Variants in APBA1 observed in about 807,000 individuals in gnomAD.
APBA1 encodes amyloid beta precursor protein binding family A member 1.
A neutral mutation model predicts 86.6 loss-of-function variants in APBA1; 55 were observed. That is an observed-to-expected ratio of 0.64 (90% confidence interval 0.51 to 0.80). APBA1 has a LOEUF of 0.80. APBA1 is among the 30% of genes least tolerant of loss of function. The pLI is 0.00. For missense variants in APBA1, 1,090 were observed against 1,183.0 expected, an observed-to-expected ratio of 0.92 and a Z score of 1.15; for synonymous variants, 511 against 493.9, an observed-to-expected ratio of 1.03 and a Z score of -0.46.
chr9:69,431,662 T>C (rs1370727474), intron 12 of APBA1, among the ~76,000 whole-genome samples: 1 of 152,270 alleles, frequency 6.6e-6, no homozygotes, highest in Non-Finnish European at 1.5e-5. Context: ...GCTCTCGCTC[T>C]CACCAGACCC....
chr9:69,543,792 A>G (rs1215871642), intron 1 of APBA1, among the ~76,000 whole-genome samples: 1 of 152,234 alleles, frequency 6.6e-6, no homozygotes, highest in Non-Finnish European at 1.5e-5. Flanking sequence ...TCTGGTCTTA[A>G]TAATGAAGCC....
At chr9:69,534,297 G>C (rs1027797075) in intron 1 of APBA1, among the ~76,000 whole-genome samples, 6 of 152,140 alleles carry the variant, frequency 3.9e-5, no homozygotes, top group Non-Finnish European at 7.3e-5. Flanking sequence ...TACAGCATTG[G>C]AACTACATTT....
intron 1 of APBA1, among the ~76,000 whole-genome samples, chr9:69,570,396 T>C (rs146110088): frequency 2.6e-5 from 4 of 152,306 alleles, no homozygotes; most frequent in Admixed American, 6.5e-5. Flanking sequence ...TAAGGATCTA[T>C]TTGGATCCTC....
intron 1 of APBA1, among the ~76,000 whole-genome samples, chr9:69,589,552 G>A (rs1822087900): frequency 6.6e-6 from 1 of 152,122 alleles, no homozygotes; most frequent in South Asian, 2.1e-4. Context: ...AACAAGGAAG[G>A]GTGGGGGTCT....
chr9:69,505,569 G>A (rs1020797343), intron 2 of APBA1, among the ~76,000 whole-genome samples: 5 of 152,050 alleles, frequency 3.3e-5, no homozygotes, highest in East Asian at 1.9e-4. Flanking sequence ...AGAGATAAAC[G>A]CCATTTCAAG....
intron 2 of APBA1, among the ~76,000 whole-genome samples, chr9:69,497,645 CCTT>C (rs1301993142): frequency 6.6e-6 from 1 of 152,120 alleles, no homozygotes; most frequent in Admixed American, 6.5e-5. Flanking sequence ...TTAAACTCCT[CCTT>C]CTGAGCAGTC....
At chr9:69,447,681 G>A (rs1334090895) in intron 10 of APBA1, among the ~76,000 whole-genome samples, 3 of 152,130 alleles carry the variant, frequency 2.0e-5, no homozygotes, top group Non-Finnish European at 4.4e-5. Context: ...GACCACAGAC[G>A]ATTACATCAT....
intron 1 of APBA1, among the ~76,000 whole-genome samples, chr9:69,552,064 C>A (rs2133929371): frequency 6.6e-6 from 1 of 152,290 alleles, no homozygotes; most frequent in South Asian, 2.1e-4. Flanking sequence ...TTGGAGGTGG[C>A]AGTTCCTGCA....
At chr9:69,500,454 A>G (rs1835863997) in intron 2 of APBA1, among the ~76,000 whole-genome samples, 1 of 152,150 alleles carries the variant, frequency 6.6e-6, no homozygotes, top group East Asian at 1.9e-4. Flanking sequence ...CTGGGAGGAA[A>G]GCAGGTGACA....
At chr9:69,638,742 C>T (rs1823228257) in intron 1 of APBA1, among the ~76,000 whole-genome samples, 1 of 152,168 alleles carries the variant, frequency 6.6e-6, no homozygotes, top group Non-Finnish European at 1.5e-5. Context: ...AAGTTGGTGT[C>T]TGTCTAGGCA....
chr9:69,496,350 C>A (rs1835794414), intron 2 of APBA1, among the ~76,000 whole-genome samples: 1 of 152,022 alleles, frequency 6.6e-6, no homozygotes, highest in Admixed American at 6.5e-5. Context: ...TCTCTGTGAG[C>A]CTACCTGATT....
intron 1 of APBA1, among the ~76,000 whole-genome samples, chr9:69,573,625 G>A (rs931171218): frequency 3.3e-5 from 5 of 152,064 alleles, no homozygotes; most frequent in African/African-American, 1.2e-4. Context: ...TTACTGCTGC[G>A]GTACTCTAAA....
intron 2 of APBA1, among the ~76,000 whole-genome samples, chr9:69,503,347 G>A (rs931834274): frequency 6.0e-5 from 9 of 149,630 alleles, no homozygotes; most frequent in African/African-American, 2.0e-4. Flanking sequence ...CCATGGTCCC[G>A]CTCTTCTAAT....
intron 1 of APBA1, among the ~76,000 whole-genome samples, chr9:69,644,909 G>C (rs1046050008): frequency 3.9e-5 from 6 of 152,140 alleles, no homozygotes; most frequent in Non-Finnish European, 8.8e-5. Context: ...CAGGGTAGAA[G>C]ATGATTATGG....
rs187569056 is a variant in APBA1, at chr9:69,485,304, G to A, written c.1201-9161C>T. Among the ~76,000 whole-genome samples the A allele has an allele frequency of 7.2e-5, 11 of 152,098 alleles. No homozygotes were observed. In the East Asian group the frequency reaches 1.5e-3, roughly 21 times the overall value. ...AAACAGCTTCAAAACAGACATGGCCGCGTGAAGCCTAAACAATGGTGTTAG... is the reference window on the plus strand; with the variant it reads ...AAACAGCTTCAAAACAGACATGGCCACGTGAAGCCTAAACAATGGTGTTAG... On this transcript the variant is annotated intron_variant, in intron 2 of 12. Coordinates refer to ENST00000265381, the MANE Select transcript of APBA1 (RefSeq NM_001163.4).
chr9:69,448,018 C>T (rs578204502), intron 10 of APBA1, among the ~76,000 whole-genome samples: 5 of 152,088 alleles, frequency 3.3e-5, no homozygotes, highest in African/African-American at 9.7e-5. Context: ...GCCCCACCCC[C>T]CCGCTTGCCT....
intron 10 of APBA1, among the ~76,000 whole-genome samples, chr9:69,445,138 ACT>A (rs1252165436): frequency 6.6e-6 from 1 of 152,022 alleles, no homozygotes; most frequent in Non-Finnish European, 1.5e-5. Context: ...CAAGAGAATG[ACT>A]CTATTTTCTC....
At chr9:69,526,587 G>A (rs1836346172) in intron 1 of APBA1, among the ~76,000 whole-genome samples, 1 of 152,130 alleles carries the variant, frequency 6.6e-6, no homozygotes, top group Admixed American at 6.6e-5. Context: ...CAGTGAGGCT[G>A]TGGAGAAAAG....
intron 2 of APBA1, among the ~76,000 whole-genome samples, chr9:69,477,209 C>T (rs975793301): frequency 6.6e-6 from 1 of 151,692 alleles, no homozygotes; most frequent in Non-Finnish European, 1.5e-5. Context: ...ATCTGAGGTA[C>T]TGGGTTCATC....
Sources: allele counts gnomAD v4.1 joint callset (sites outside exome capture counted in the v4.1 genomes callset), GRCh38; gene constraint gnomAD v4.1.1; transcripts MANE v1.5; gene names NCBI Gene and HGNC (gene_info 2026-07-23, HGNC 2026-07-21).